The following FRMD4A variants were observed in gnomAD, a reference collection of about 807,000 sequenced individuals.
FRMD4A encodes the protein FERM domain containing 4A.
Under a neutral mutation model 129.1 loss-of-function variants are expected in FRMD4A, and 29 were observed. The ratio of observed to expected loss-of-function variants is 0.22; its 90% confidence interval spans 0.17 to 0.31. The LOEUF (loss-of-function observed/expected upper bound fraction) is 0.31. FRMD4A is among the 10% of genes least tolerant of loss of function. The pLI, the probability that FRMD4A is intolerant of heterozygous loss-of-function variation, is 1.00. For missense variants in FRMD4A, 1,272 were observed against 1,375.8 expected (o/e 0.92, Z 1.19); for synonymous variants, 634 against 571.6 (o/e 1.11, Z -1.56).
chr10:14,030,954 T>G (rs1271283863), intron 2 of FRMD4A, among the ~76,000 whole-genome samples: 2 of 152,298 alleles, frequency 1.3e-5, no homozygotes, highest in East Asian at 3.9e-4. Flanking sequence ...CAAGGATGAA[T>G]TTCAAGACTT....
chr10:13,718,710 G>A (rs2089118242), intron 12 of FRMD4A, among the ~76,000 whole-genome samples: 1 of 152,356 alleles, frequency 6.6e-6, no homozygotes, highest in East Asian at 1.9e-4. Context: ...GGAAGCTGAG[G>A]TGTCTACTCT....
At chr10:13,663,661 T>G (rs1418060150) in intron 18 of FRMD4A, 152 bp from the exon 19 acceptor site, 1 of 621,988 alleles carries the variant, frequency 1.6e-6, no homozygotes, top group African/African-American at 1.8e-5. Flanking sequence ...GTTGGGTGTT[T>G]CTTTTGTCAG....
In FRMD4A at chr10:14,254,265, TA is replaced by T. The variant is rs558628910; in HGVS notation, c.45+75792del. On this transcript the variant is annotated intron_variant, in intron 2 of 24. Coordinates refer to ENST00000357447, the MANE Select transcript of FRMD4A (RefSeq NM_018027.5). ...CCAGAAACTCATCACTATACACCCT[TA>T]GGTGGGCCTATAGGATTTCTCCGGT... Among the ~76,000 whole-genome samples the T allele has an allele frequency of 2.3e-3, 350 of 152,320 alleles. 5 individuals are homozygous for T. The highest frequency in any genetic ancestry group is 8.4e-4 in the Non-Finnish European group (57 of 68,032).
At chr10:13,987,622 A>G (rs1588682924) in intron 2 of FRMD4A, among the ~76,000 whole-genome samples, 1 of 152,178 alleles carries the variant, frequency 6.6e-6, no homozygotes, top group African/African-American at 2.4e-5. Context: ...CCTGCGGCCA[A>G]CAGAGCATTT....
chr10:14,263,599 TG>T (rs1844878764), intron 2 of FRMD4A, among the ~76,000 whole-genome samples: 1 of 152,130 alleles, frequency 6.6e-6, no homozygotes, highest in African/African-American at 2.4e-5. Context: ...GACTGTCCTG[TG>T]CCCCAGAAAG....
At chr10:13,877,033 G>T (rs1368713616) in intron 2 of FRMD4A, among the ~76,000 whole-genome samples, 1 of 152,092 alleles carries the variant, frequency 6.6e-6, no homozygotes, top group Non-Finnish European at 1.5e-5. Flanking sequence ...CCTCAGTGAT[G>T]GGTGAAGCCA....
chr10:13,908,151 C>T (rs1341071873), intron 2 of FRMD4A, among the ~76,000 whole-genome samples: 1 of 85,316 alleles, frequency 1.2e-5, no homozygotes, highest in Non-Finnish European at 2.2e-5. Flanking sequence ...GACAAGAAGA[C>T]GGAAACTCCA....
chr10:14,330,306 G>A, intron 1 of FRMD4A, 123 bp from the exon 2 acceptor site: 12 of 453,996 alleles, frequency 2.6e-5, no homozygotes, highest in South Asian at 7.4e-5. Flanking sequence ...TGCTTAGGGA[G>A]GAAAAAAAAA....
chr10:14,039,460 ATCTATCTATCTATCT>A (rs1565204760), intron 2 of FRMD4A, among the ~76,000 whole-genome samples: 2,149 of 69,666 alleles, frequency 0.031, 32 homozygotes, highest in African/African-American at 0.077. Flanking sequence ...CAATCAATCT[ATCTATCTATCTATCT>A]ATCTATCTAT....
At chr10:13,916,500 A>G (rs1420835717) in intron 2 of FRMD4A, among the ~76,000 whole-genome samples, 1 of 152,198 alleles carries the variant, frequency 6.6e-6, no homozygotes. Context: ...AACATATGCC[A>G]GATGTTGAAC....
intron 2 of FRMD4A, among the ~76,000 whole-genome samples, chr10:14,122,581 G>A (rs753775118): frequency 4.7e-4 from 71 of 150,698 alleles, no homozygotes; most frequent in Admixed American, 2.0e-4. Context: ...CATATCACAC[G>A]GGTAGAGAAG....
At chr10:14,022,075 G>T (rs987437070) in intron 2 of FRMD4A, among the ~76,000 whole-genome samples, 2 of 152,146 alleles carry the variant, frequency 1.3e-5, no homozygotes, top group African/African-American at 4.8e-5. Flanking sequence ...TATTCTAGGT[G>T]CCATGGAGGT....
chr10:14,330,442 A>C (rs988083699), intron 1 of FRMD4A, among the ~76,000 whole-genome samples, 155 bp downstream of exon 1: 1 of 152,226 alleles, frequency 6.6e-6, no homozygotes, highest in Non-Finnish European at 1.5e-5. Context: ...CGGAATGTTT[A>C]ACTGCTACCT....
intron 2 of FRMD4A, among the ~76,000 whole-genome samples, chr10:14,079,246 G>C (rs1835788139): frequency 6.6e-6 from 1 of 152,094 alleles, no homozygotes; most frequent in Non-Finnish European, 1.5e-5. Context: ...ACTGGGATTT[G>C]AACCCCTGCC....
In FRMD4A at chr10:13,706,893, G is replaced by A. The variant is rs771006179; in HGVS notation, c.836+144C>T. 9.7e-5 allele frequency: 58 copies of A among 600,764 alleles called. No homozygotes were observed. In the African/African-American group the frequency reaches 1.0e-3, roughly 11 times the overall value. The allele number at this position is 600,764 out of a possible 1,614,324, so 37.2% of individuals were successfully genotyped here. A position where few individuals can be genotyped will look rare whatever the true frequency, so the allele number is the denominator to read the frequency against. On this transcript the variant is annotated intron_variant, in intron 13 of 24. Transcript: ENST00000357447. ...AATTGAAAAGAAAGTTTCACTGTCT[G>A]ATTTGAGCTCCATTCCCCAGGAGCC...
intron 5 of FRMD4A, among the ~76,000 whole-genome samples, chr10:13,788,255 A>G (rs748456516): frequency 1.3e-5 from 2 of 151,942 alleles, no homozygotes; most frequent in African/African-American, 2.4e-5. Context: ...CAGGGCCACT[A>G]TTTCCCTGCC....
chr10:13,857,755 C>A (rs994450181), intron 3 of FRMD4A, among the ~76,000 whole-genome samples: 3 of 152,170 alleles, frequency 2.0e-5, no homozygotes, highest in Non-Finnish European at 4.4e-5. Context: ...AGACACAATG[C>A]TCTAGGACTT....
chr10:14,205,762 G>C (rs534580161), intron 2 of FRMD4A, among the ~76,000 whole-genome samples: 18 of 132,198 alleles, frequency 1.4e-4, no homozygotes, highest in Admixed American at 5.5e-4. Context: ...AGGTGAGAAT[G>C]CACCACTGCA....
intron 2 of FRMD4A, among the ~76,000 whole-genome samples, chr10:14,282,069 A>G (rs1845539311): frequency 6.6e-6 from 1 of 152,184 alleles, no homozygotes. Flanking sequence ...AAGAATGAGA[A>G]CCAAGCAAAA....
Sources: allele counts gnomAD v4.1 joint callset (sites outside exome capture counted in the v4.1 genomes callset), GRCh38; gene constraint gnomAD v4.1.1; transcripts MANE v1.5; gene names NCBI Gene and HGNC (gene_info 2026-07-23, HGNC 2026-07-21).